The following NKAIN3 variants were observed in gnomAD, a reference collection of about 807,000 sequenced individuals.
The protein encoded by NKAIN3 is sodium/potassium-transporting ATPase subunit beta-1-interacting protein 3.
In NKAIN3, 25 loss-of-function variants were observed where a neutral mutation model predicts 30.2. The ratio of observed to expected loss-of-function variants is 0.83; its 90% CI spans 0.60 to 1.16. The LOEUF (loss-of-function observed/expected upper bound fraction) is 1.16, where lower values mean the gene tolerates loss of function less well. Among genes scored for constraint, NKAIN3 ranks in the 50% most tolerant of loss-of-function variants. The pLI is 0.00. For missense variants in NKAIN3, 225 were observed against 254.1 expected (o/e 0.89, Z 0.78); for synonymous variants, 91 against 89.6 (o/e 1.02, Z -0.09).
intron 3 of NKAIN3, among the ~76,000 whole-genome samples, chr8:62,673,223 T>A (rs1813364342): frequency 6.6e-6 from 1 of 152,246 alleles, no homozygotes; most frequent in African/African-American, 2.4e-5. Flanking sequence ...CTTATTAAAC[T>A]GCTGAAAAGC....
In NKAIN3 at chr8:62,589,769, A is replaced by G. The variant is rs781378672; in HGVS notation, c.248A>G (p.Tyr83Cys). 6.2e-7 allele frequency: 1 copy of G among 1,603,454 alleles called. No individual in the cohort carries two copies. Among genetic ancestry groups the G allele is most frequent in the Non-Finnish European group, 8.5e-7 (1 of 1,172,664 alleles). The change falls in exon 3 of 7, where the codon TAT (tyrosine) becomes TGT (cysteine). Residue 83 changes from tyrosine to cysteine, a missense_variant. By Grantham distance (194) the Tyr-to-Cys change is radical. Coordinates refer to ENST00000623646, the MANE Select transcript of NKAIN3 (RefSeq NM_001304533.3). ...TGGAATGTGTTCATTATCTGCTTTT[A>G]TTTGGAAGTAGGTGGACTCTCAAAG... Reference protein sequence around the residue: ...VTWNVFIICFYLEVGGLSKDT... With the variant: ...VTWNVFIICFCLEVGGLSKDT...
chr8:62,882,622 G>A (rs866673289), intron 4 of NKAIN3, among the ~76,000 whole-genome samples: 5 of 151,880 alleles, frequency 3.3e-5, no homozygotes, highest in Non-Finnish European at 7.4e-5. Context: ...CCTGCCTGGT[G>A]TTGTATTTAA....
intron 1 of NKAIN3, among the ~76,000 whole-genome samples, chr8:62,571,113 A>G (rs1237881117): frequency 6.6e-6 from 1 of 150,940 alleles, no homozygotes; most frequent in Non-Finnish European, 1.5e-5. Context: ...CATTTCAAAT[A>G]AGTCTTGGGT....
Position 62,979,115 on chromosome 8 carries a change from G to C in NKAIN3, c.*13708G>C, listed in dbSNP as rs1243485005. 1.3e-5 allele frequency: 2 copies of C among 152,242 alleles called. No homozygotes were observed. The highest frequency in any genetic ancestry group is 2.9e-5 in the Non-Finnish European group (2 of 68,124). The allele number at this position is 152,242 out of a possible 1,614,324, so 9.4% of individuals were successfully genotyped here. On this transcript the variant is annotated 3_prime_UTR_variant, in exon 7 of 7. Transcript: ENST00000623646. ...GAAATGCAGAAATCACCCACTTTCT[G>C]TGTTGGTCTTGCTGGGAGCTGCAGA...
intron 4 of NKAIN3, among the ~76,000 whole-genome samples, chr8:62,827,241 A>G (rs559064743): frequency 1.3e-5 from 2 of 152,186 alleles, no homozygotes; most frequent in Non-Finnish European, 1.5e-5. Flanking sequence ...GGCATTAGTA[A>G]CAAAAGACTA....
At chr8:62,719,018 A>G (rs1426045955) in intron 3 of NKAIN3, among the ~76,000 whole-genome samples, 1 of 152,188 alleles carries the variant, frequency 6.6e-6, no homozygotes, top group Non-Finnish European at 1.5e-5. Flanking sequence ...ACAGGCTACG[A>G]AAAGATAAAT....
At chr8:62,549,650 T>C (rs907485352) in intron 1 of NKAIN3, among the ~76,000 whole-genome samples, 1 of 151,998 alleles carries the variant, frequency 6.6e-6, no homozygotes, top group Non-Finnish European at 1.5e-5. Context: ...AGCCTATTGA[T>C]CCTTCTCTTA....
intron 1 of NKAIN3, among the ~76,000 whole-genome samples, chr8:62,485,521 A>G (rs950035825): frequency 6.6e-6 from 1 of 152,192 alleles, no homozygotes; most frequent in Non-Finnish European, 1.5e-5. Flanking sequence ...AGCTTAAATT[A>G]TATGTATCTG....
At chr8:62,900,377 G>A (rs1200416805) in intron 4 of NKAIN3, among the ~76,000 whole-genome samples, 2 of 152,128 alleles carry the variant, frequency 1.3e-5, no homozygotes, top group Non-Finnish European at 2.9e-5. Context: ...CATCATCCTG[G>A]GGATTACAGT....
At chr8:62,955,770 T>C (rs1304280605) in intron 6 of NKAIN3, among the ~76,000 whole-genome samples, 1 of 152,206 alleles carries the variant, frequency 6.6e-6, no homozygotes, top group African/African-American at 2.4e-5. Flanking sequence ...GTCACTTCCA[T>C]CTCTGTGAAT....
chr8:62,710,753 A>G (rs779419892), intron 3 of NKAIN3, among the ~76,000 whole-genome samples: 11 of 152,118 alleles, frequency 7.2e-5, no homozygotes. Context: ...TGTTGTATTC[A>G]TCATGCTCTT....
intron 1 of NKAIN3, among the ~76,000 whole-genome samples, chr8:62,268,254 C>T (rs1280358312): frequency 6.6e-6 from 1 of 152,180 alleles, no homozygotes; most frequent in Non-Finnish European, 1.5e-5. Flanking sequence ...AGGACAGATG[C>T]AGAACAGCCT....
At chr8:62,345,476 C>CAG (rs1467544031) in intron 1 of NKAIN3, among the ~76,000 whole-genome samples, 8 of 82,904 alleles carry the variant, frequency 9.6e-5, no homozygotes, top group Admixed American at 7.6e-4. Context: ...CATATATACA[C>CAG]ATATATGTAT....
rs149284140 is a variant in NKAIN3 at position 62,567,989 on chromosome 8, A to C, written c.55-11550A>C. 8.7e-4 allele frequency among the ~76,000 whole-genome samples: 133 copies of C among 152,308 alleles called. 1 individual carries two copies. The highest frequency in any genetic ancestry group is 1.2e-3 in the East Asian group (6 of 5,190). On this transcript the variant is annotated intron_variant, in intron 1 of 6. Coordinates refer to ENST00000623646, the MANE Select transcript of NKAIN3 (RefSeq NM_001304533.3). ...GTGTATCAAATTAAAGATTACTGTT[A>C]CCTGCTTTTGATAAATTGAAGGTTG... is the stretch of plus-strand genomic sequence containing the variant.
chr8:62,293,646 T>C (rs1813725919), intron 1 of NKAIN3, among the ~76,000 whole-genome samples: 1 of 152,192 alleles, frequency 6.6e-6, no homozygotes, highest in Admixed American at 6.5e-5. Context: ...AGTCAGCCCG[T>C]ATTGGGAGGT....
chr8:62,887,406 A>G (rs1395417826), intron 4 of NKAIN3, among the ~76,000 whole-genome samples: 1 of 151,840 alleles, frequency 6.6e-6, no homozygotes, highest in Non-Finnish European at 1.5e-5. Flanking sequence ...TTGATATCTG[A>G]TATTAATTTA....
rs564590361 is a variant in NKAIN3 at position 62,623,982 on chromosome 8, A to G, written c.273+34188A>G. Among the ~76,000 whole-genome samples the G allele has an allele frequency of 5.3e-5, 8 of 152,210 alleles. No individual in the cohort carries two copies. In the South Asian group the frequency reaches 1.7e-3, roughly 32 times the overall value. The stretch of plus-strand genomic sequence containing the variant: ...GAGTTTTCCAGGAAAGGGGTGGACA[A>G]TTCCCAGAACTGAAGGTTCCTCCCC... On this transcript the variant is annotated intron_variant, in intron 3 of 6. Coordinates refer to ENST00000623646, the MANE Select transcript of NKAIN3 (RefSeq NM_001304533.3).
At chr8:62,727,843 T>C (rs939843040) in intron 3 of NKAIN3, among the ~76,000 whole-genome samples, 4 of 152,180 alleles carry the variant, frequency 2.6e-5, no homozygotes, top group Admixed American at 6.5e-5. Context: ...AACTGTTTCT[T>C]TCTTTGTTTT....
chr8:62,563,995 A>T (rs1809667485), intron 1 of NKAIN3, among the ~76,000 whole-genome samples: 1 of 152,190 alleles, frequency 6.6e-6, no homozygotes, highest in African/African-American at 2.4e-5. Context: ...GCCTTAAATC[A>T]AAGGACAGAG....
Sources: allele counts gnomAD v4.1 joint callset (sites outside exome capture counted in the v4.1 genomes callset), GRCh38; gene constraint gnomAD v4.1.1; transcripts MANE v1.5; gene names NCBI Gene and HGNC (gene_info 2026-07-23, HGNC 2026-07-21).